NBN: variants seen among roughly 807,000 people sequenced by gnomAD.
The protein encoded by NBN is nibrin.
NBN carries 88 observed loss-of-function variants against 90.8 expected under a neutral mutation model. That is an observed-to-expected ratio of 0.97 (90% CI 0.82 to 1.16). The LOEUF is 1.16. Ranked by LOEUF, NBN falls within the 50% of genes most tolerant of loss-of-function variation. The pLI, the probability that NBN is intolerant of heterozygous loss-of-function variation, is 0.00. For synonymous variants in NBN, 328 were observed against 295.1 expected, an observed-to-expected ratio of 1.11 and a Z score of -1.14; for missense variants, 894 against 869.6, an observed-to-expected ratio of 1.03 and a Z score of -0.35.
rs2129914127 is a variant in NBN at position 89,981,388 on chromosome 8, C to T, written c.307G>A (p.Gly103Arg). 3 of 1,613,896 alleles carry T rather than the reference C, an allele frequency of 1.9e-6. No individual in the cohort carries two copies. The East Asian group carries it at 6.7e-5, about 36-fold the overall frequency. ...AAAATGTCTTACCTGAATTTACTTC[C>T]AAACACTCCAAAAGTAATACCATCC... ...SGDGITFGVF[G>R]SKFRIEYEPL... Residue 103 changes from glycine to arginine, a missense_variant, in exon 3 of 16, where the codon GGA becomes AGA. Transcript: ENST00000265433.
In NBN at chr8:89,964,524, G is replaced by GT. The variant is rs957902993; in HGVS notation, c.897-18dup. ...AGACCTTGCCTATTAGAATAAAATA[G>GT]TTTAAGTATGATAATATATTAAAAC... On this transcript the variant is annotated splice_polypyrimidine_tract_variant and intron_variant, in intron 7 of 15. Coordinates refer to ENST00000265433, the MANE Select transcript of NBN (RefSeq NM_002485.5). 9 of 1,571,566 alleles carry GT rather than the reference G, an allele frequency of 5.7e-6. No individual in the cohort carries two copies. The highest frequency in any genetic ancestry group is 2.7e-5 in the African/African-American group (2 of 73,872).
rs776180689 is a variant in NBN at position 89,955,435 on chromosome 8, A to C, written c.1245T>G (p.Ser415Arg). ...ESCKTSSNNN[S>R]MVSNTLAKMR... ...TCTTAGCCAAAGTATTTGATACCAT[A>C]CTATTATTATTAGAGCTTGTTTTGC... is the stretch of plus-strand genomic sequence containing the variant. Residue 415 changes from serine to arginine, a missense_variant, in exon 10 of 16, where the codon AGT becomes AGG. Ser to Arg is a moderately radical substitution (Grantham distance 110). Coordinates refer to ENST00000265433, the MANE Select transcript of NBN (RefSeq NM_002485.5). 3 of 1,613,870 alleles carry C rather than the reference A, an allele frequency of 1.9e-6. 1 individual carries two copies. The South Asian group carries it at 3.3e-5, about 18-fold the overall frequency.
intron 4 of NBN, among the ~76,000 whole-genome samples, chr8:89,979,826 A>G (rs1811969173): frequency 1.3e-5 from 2 of 152,178 alleles, no homozygotes; most frequent in Non-Finnish European, 2.9e-5. Context: ...ATGTAGTAAA[A>G]TATCTCTCAA....
chr8:89,935,446 T>C lies in NBN; in HGVS notation c.*136A>G. Reference sequence around the variant, plus strand: ...TACAAAAGAATCAAAGTTTTGTGCATTTTATTTAATAAATTTAGGCCATAA... The same window carrying C: ...TACAAAAGAATCAAAGTTTTGTGCACTTTATTTAATAAATTTAGGCCATAA... On this transcript the variant is annotated 3_prime_UTR_variant, in exon 16 of 16. Transcript: ENST00000265433. 1 of 1,019,480 alleles carries C rather than the reference T, an allele frequency of 9.8e-7. No homozygotes were observed. Among genetic ancestry groups the C allele is most frequent in the Middle Eastern group, 3.1e-4 (1 of 3,190 alleles). 63.2% of individuals were successfully genotyped at this position (1,019,480 alleles called of 1,614,324 possible).
intron 9 of NBN, among the ~76,000 whole-genome samples, chr8:89,957,606 C>T (rs1304109265): frequency 6.6e-6 from 1 of 152,212 alleles, no homozygotes; most frequent in Non-Finnish European, 1.5e-5. Context: ...CCCAGAACAG[C>T]TTCCAGTCCT....
At chr8:89,949,910 G>A (rs976289710) in intron 11 of NBN, among the ~76,000 whole-genome samples, 1 of 152,054 alleles carries the variant, frequency 6.6e-6, no homozygotes, top group Non-Finnish European at 1.5e-5. Flanking sequence ...TGGACTTTCA[G>A]ACAAATTCTT....
chr8:89,975,416 CT>C (rs1811707008), intron 5 of NBN, among the ~76,000 whole-genome samples: 14 of 152,128 alleles, frequency 9.2e-5, no homozygotes, highest in Admixed American at 9.2e-4. Context: ...TAAATTGAAT[CT>C]TTTTTCTGTT....
intron 5 of NBN, among the ~76,000 whole-genome samples, chr8:89,975,613 A>C (rs180881056): frequency 1.4e-3 from 220 of 152,338 alleles, no homozygotes; most frequent in Admixed American, 2.2e-3. Context: ...GGGATTCAAC[A>C]ATCTTATGGT....
Position 89,934,037 on chromosome 8 carries a change from A to G in NBN, c.*1545T>C, listed in dbSNP as rs775267930. 8.7e-5 allele frequency: 20 copies of G among 230,518 alleles called. No individual in the cohort carries two copies. Among genetic ancestry groups the G allele is most frequent in the Non-Finnish European group, 1.3e-4 (15 of 116,456 alleles). 14.3% of individuals were successfully genotyped at this position (230,518 alleles called of 1,614,324 possible). Reference sequence around the variant, plus strand: ...TCATTATATTCATAAATTGACAAATATAAAAACTGCTATAGTAGGGCAGTC... The same window carrying G: ...TCATTATATTCATAAATTGACAAATGTAAAAACTGCTATAGTAGGGCAGTC... On this transcript the variant is annotated 3_prime_UTR_variant, in exon 16 of 16. Transcript: ENST00000265433.
In NBN at chr8:89,958,638, C is replaced by T; in HGVS notation, c.1124+87G>A. 4.1e-6 allele frequency: 6 copies of T among 1,448,208 alleles called. No individual in the cohort carries two copies. In the South Asian group the frequency reaches 7.0e-5, roughly 17 times the overall value. The allele number at this position is 1,448,208 out of a possible 1,614,324, so 89.7% of individuals were successfully genotyped here. A position where few individuals can be genotyped will look rare whatever the true frequency, so the allele number is the denominator to read the frequency against. ...CTTCCATGCTTTCTCTCTCAAGAGACAACCTGATAAAGGGCATTACTTCCT... is the reference window on the plus strand; with the variant it reads ...CTTCCATGCTTTCTCTCTCAAGAGATAACCTGATAAAGGGCATTACTTCCT... On this transcript the variant is annotated intron_variant, in intron 9 of 15. Coordinates refer to ENST00000265433, the MANE Select transcript of NBN (RefSeq NM_002485.5).
At chr8:89,965,352 T>C (rs991991719) in intron 7 of NBN, among the ~76,000 whole-genome samples, 5 of 152,352 alleles carry the variant, frequency 3.3e-5, no homozygotes, top group Admixed American at 2.6e-4. Context: ...AATCTTATGG[T>C]GAACCTATTT....
At chr8:89,977,246 G>A (rs1811806065) in intron 5 of NBN, among the ~76,000 whole-genome samples, 1 of 151,818 alleles carries the variant, frequency 6.6e-6, no homozygotes, top group Non-Finnish European at 1.5e-5. Flanking sequence ...ACAGGCCCCG[G>A]TATGTGATGT....
chr8:89,955,023 CA>C (rs1810631137), intron 10 of NBN, among the ~76,000 whole-genome samples: 2 of 152,054 alleles, frequency 1.3e-5, no homozygotes, highest in Admixed American at 6.6e-5. Flanking sequence ...AGAGCTGAGA[CA>C]GGGGGTTAGT....
chr8:89,979,766 A>T (rs1811966129), intron 4 of NBN, among the ~76,000 whole-genome samples: 1 of 152,192 alleles, frequency 6.6e-6, no homozygotes, highest in South Asian at 2.1e-4. Context: ...AGCAATTCAC[A>T]AGGTGGTCAT....
At position 89,980,245 on chromosome 8, in the gene NBN, G is replaced by A. The variant is rs372700663; in HGVS notation, c.480+489C>T. ...TAAATACTAAAGGATTTTTAATAAAGGAATCTAAGTATTTGTGGCTTTTTA... is the reference window on the plus strand; with the variant it reads ...TAAATACTAAAGGATTTTTAATAAAAGAATCTAAGTATTTGTGGCTTTTTA... On this transcript the variant is annotated intron_variant, in intron 4 of 15. Coordinates refer to ENST00000265433, the MANE Select transcript of NBN (RefSeq NM_002485.5). Among the ~76,000 whole-genome samples, 14 of 152,196 alleles carry A rather than the reference G, an allele frequency of 9.2e-5. No homozygotes were observed. The East Asian group carries it at 1.7e-3, about 19-fold the overall frequency.
chr8:89,959,932 C>G (rs1414945096), intron 8 of NBN, among the ~76,000 whole-genome samples: 4 of 152,194 alleles, frequency 2.6e-5, no homozygotes, highest in African/African-American at 9.6e-5. Flanking sequence ...ATAGTAAGCA[C>G]TGTGCCAGCA....
chr8:89,938,640 T>C (rs1809798001), intron 14 of NBN, among the ~76,000 whole-genome samples: 1 of 152,200 alleles, frequency 6.6e-6, no homozygotes, highest in African/African-American at 2.4e-5. Context: ...AGGTCTACCT[T>C]ATTAAGAGCA....
rs1812249883 is a variant in NBN, at chr8:89,984,620, G to C, written c.-59C>G. 1.1e-5 allele frequency: 18 copies of C among 1,602,304 alleles called. 1 individual carries two copies. The highest frequency in any genetic ancestry group is 1.0e-4 in the South Asian group (9 of 89,704). The stretch of plus-strand genomic sequence containing the variant: ...AACCGCGTAACCGGGGCTGCTAGAC[G>C]AGCGCGGATACGGCGCCTGCGGTCG... On this transcript the variant is annotated 5_prime_UTR_variant, in exon 1 of 16. Coordinates refer to ENST00000265433, the MANE Select transcript of NBN (RefSeq NM_002485.5).
rs1433617464 is a variant in NBN at position 89,953,481 on chromosome 8, G to A, written c.1608C>T (p.Ala536=). The change falls in exon 11 of 16, where the codon GCC becomes GCT. Residue 536 remains alanine (A), a synonymous_variant. Coordinates refer to ENST00000265433, the MANE Select transcript of NBN (RefSeq NM_002485.5). The part of the protein sequence containing the change: ...TDLKSIVKNS[A]SKSHAAEKLR... Reference sequence around the variant, plus strand: ...GCTTTTCTGCAGCATGAGATTTACTGGCAGAATTTTTCACAATAGATTTTA... The same window carrying A: ...GCTTTTCTGCAGCATGAGATTTACTAGCAGAATTTTTCACAATAGATTTTA... The A allele has an allele frequency of 6.2e-7, 1 of 1,613,352 alleles. No homozygotes were observed. Among genetic ancestry groups the A allele is most frequent in the East Asian group, 2.2e-5 (1 of 44,846 alleles).
Sources: gnomAD v4.1 joint callset for allele counts (sites outside exome capture counted in the v4.1 genomes callset) on GRCh38, gnomAD v4.1.1 for gene constraint, MANE v1.5 for transcripts, NCBI Gene and HGNC (gene_info 2026-07-23, HGNC 2026-07-21) for gene names.